The following MCPH1 variants were observed in gnomAD, a reference collection of about 807,000 sequenced individuals.
MCPH1 encodes the protein microcephalin.
Under a neutral mutation model 84.5 loss-of-function variants are expected in MCPH1, and 104 were observed. The observed-to-expected ratio is 1.23, with a 90% CI of 1.05 to 1.45. The LOEUF is 1.45. Ranked by LOEUF, MCPH1 falls within the 40% of genes most tolerant of loss-of-function variation. The pLI is 0.00. For synonymous variants in MCPH1, 514 were observed against 366.8 expected, an observed-to-expected ratio of 1.40 and a Z score of -4.58; for missense variants, 1,498 against 1,005.7, an observed-to-expected ratio of 1.49 and a Z score of -6.62.
chr8:6,469,616 T>G (rs1323422766), intron 9 of MCPH1, among the ~76,000 whole-genome samples: 2 of 152,358 alleles, frequency 1.3e-5, no homozygotes, highest in African/African-American at 4.8e-5. Flanking sequence ...GGTTATCTCC[T>G]TATTTTACTT....
At chr8:6,540,181 A>C (rs1426827929) in intron 12 of MCPH1, among the ~76,000 whole-genome samples, 3 of 151,938 alleles carry the variant, frequency 2.0e-5, no homozygotes, top group East Asian at 1.9e-4. Context: ...CTTTGCATTA[A>C]TTTTTTTCAC....
chr8:6,485,287 T>A (rs1809746391), intron 11 of MCPH1, among the ~76,000 whole-genome samples: 1 of 151,888 alleles, frequency 6.6e-6, no homozygotes, highest in Admixed American at 6.6e-5. Flanking sequence ...ATCACGCCAC[T>A]GCACTCCAGC....
intron 4 of MCPH1, among the ~76,000 whole-genome samples, chr8:6,433,761 A>T (rs1010991182): frequency 6.6e-6 from 1 of 150,770 alleles, no homozygotes; most frequent in Non-Finnish European, 1.5e-5. Flanking sequence ...TTTAATTTTC[A>T]TGTCTAAAAA....
intron 12 of MCPH1, among the ~76,000 whole-genome samples, chr8:6,565,432 T>G (rs1826071849): frequency 6.6e-6 from 1 of 152,206 alleles, no homozygotes. Context: ...TTTTTCAAGA[T>G]TATTTTTTGT....
intron 10 of MCPH1, among the ~76,000 whole-genome samples, chr8:6,479,823 A>G (rs1483968491): frequency 6.6e-6 from 1 of 152,158 alleles, no homozygotes; most frequent in Non-Finnish European, 1.5e-5. Flanking sequence ...TTTAAAGGAT[A>G]TTTTAAGTAT....
At chr8:6,479,525 C>A (rs1169575534) in intron 10 of MCPH1, among the ~76,000 whole-genome samples, 1 of 151,852 alleles carries the variant, frequency 6.6e-6, no homozygotes, top group African/African-American at 2.4e-5. Context: ...AGCTCCACCT[C>A]CCGGGTTCAC....
chr8:6,554,952 T>C (rs528037185), intron 12 of MCPH1, among the ~76,000 whole-genome samples: 1 of 152,290 alleles, frequency 6.6e-6, no homozygotes, highest in South Asian at 2.1e-4. Context: ...TGGAGAAATA[T>C]CTAATTAAAA....
chr8:6,500,414 T>C (rs1257018773), intron 12 of MCPH1: 1 of 156,950 alleles, frequency 6.4e-6, no homozygotes, highest in Non-Finnish European at 1.4e-5. Context: ...AATAATTAAG[T>C]GGATAATTTA....
At chr8:6,572,729 G>A (rs926552842) in intron 12 of MCPH1, among the ~76,000 whole-genome samples, 8 of 152,130 alleles carry the variant, frequency 5.3e-5, no homozygotes, top group African/African-American at 1.9e-4. Flanking sequence ...TCTCCATAAG[G>A]AGCCAATTTA....
chr8:6,482,328 G>A (rs537104140), intron 11 of MCPH1, among the ~76,000 whole-genome samples: 26 of 152,276 alleles, frequency 1.7e-4, no homozygotes, highest in Non-Finnish European at 2.6e-4. Flanking sequence ...TGTGAAGAAG[G>A]AGAAAAAACT....
chr8:6,507,154 T>G (rs886944588), intron 12 of MCPH1, among the ~76,000 whole-genome samples: 5 of 152,182 alleles, frequency 3.3e-5, no homozygotes, highest in African/African-American at 4.8e-5. Flanking sequence ...CACCTTGGCC[T>G]CCCAAAGTGC....
At chr8:6,479,260 C>T (rs764271570) in intron 10 of MCPH1, among the ~76,000 whole-genome samples, 2 of 151,914 alleles carry the variant, frequency 1.3e-5, no homozygotes, top group African/African-American at 4.8e-5. Context: ...GAGTGAGACC[C>T]TGTCTCAAAA....
intron 13 of MCPH1, among the ~76,000 whole-genome samples, chr8:6,642,451 T>C (rs541853071): frequency 1.3e-5 from 2 of 152,290 alleles, no homozygotes; most frequent in East Asian, 1.9e-4. Context: ...GATGGGACTT[T>C]AGAGCTTCTT....
chr8:6,504,198 G>T (rs11779671), intron 12 of MCPH1, among the ~76,000 whole-genome samples: 12,937 of 150,994 alleles, frequency 0.086, 782 homozygotes, highest in Admixed American at 0.15. Flanking sequence ...GACGCCTGTA[G>T]TCCCAGCTAC....
Position 6,645,104 on chromosome 8 carries a change from T to C in MCPH1, c.*2055T>C, listed in dbSNP as rs1365286068. The C allele has an allele frequency of 6.6e-6, 1 of 152,226 alleles. No individual in the cohort carries two copies. Among genetic ancestry groups the C allele is most frequent in the African/African-American group, 2.4e-5 (1 of 41,428 alleles). The allele number at this position is 152,226 out of a possible 1,614,324, so 9.4% of individuals were successfully genotyped here. The stretch of plus-strand genomic sequence containing the variant: ...AAATCCCTGAGGAGGCTGACAAACA[T>C]TGTGCTGACTCATGCTGGAGACAAG... On this transcript the variant is annotated 3_prime_UTR_variant, in exon 14 of 14. Coordinates refer to ENST00000344683, the MANE Select transcript of MCPH1 (RefSeq NM_024596.5).
intron 12 of MCPH1, among the ~76,000 whole-genome samples, chr8:6,606,315 A>C (rs906221079): frequency 1.4e-4 from 22 of 152,242 alleles, no homozygotes; most frequent in African/African-American, 2.2e-4. Context: ...AGAGAGTAAA[A>C]AGCTTTTGAG....
rs1452400610 is a variant in MCPH1 at position 6,625,881 on chromosome 8, G to A, written c.2452+4190G>A. 1.5e-5 allele frequency: 15 copies of A among 985,250 alleles called. 1 individual carries two copies. The South Asian group carries it at 7.0e-4, about 46-fold the overall frequency. The allele number at this position is 985,250 out of a possible 1,614,324, so 61.0% of individuals were successfully genotyped here. On this transcript the variant is annotated intron_variant, in intron 13 of 13. Coordinates refer to ENST00000344683, the MANE Select transcript of MCPH1 (RefSeq NM_024596.5). ...AGATGTCGTAAACTCACAGGGGGTGGAGAACCAGGAGTTTTTTAGCCACTA... is the reference window on the plus strand; with the variant it reads ...AGATGTCGTAAACTCACAGGGGGTGAAGAACCAGGAGTTTTTTAGCCACTA...
chr8:6,609,374 G>A (rs1344625603), intron 12 of MCPH1, among the ~76,000 whole-genome samples: 1 of 152,168 alleles, frequency 6.6e-6, no homozygotes, highest in Non-Finnish European at 1.5e-5. Flanking sequence ...AAACTATGAG[G>A]CATGAAATCC....
At chr8:6,497,676 T>G (rs1811401673) in intron 11 of MCPH1, among the ~76,000 whole-genome samples, 1 of 152,190 alleles carries the variant, frequency 6.6e-6, no homozygotes, top group Non-Finnish European at 1.5e-5. Flanking sequence ...CATGTAGCAC[T>G]CCAGTGGGAG....
Sources: gnomAD v4.1 joint callset for allele counts (sites outside exome capture counted in the v4.1 genomes callset) on GRCh38, gnomAD v4.1.1 for gene constraint, MANE v1.5 for transcripts, NCBI Gene and HGNC (gene_info 2026-07-23, HGNC 2026-07-21) for gene names.